Variants in ZNF567 observed in about 807,000 individuals in gnomAD.
The protein encoded by ZNF567 is zinc finger protein 567.
Under a neutral mutation model 53.9 loss-of-function variants are expected in ZNF567, and 36 were observed. The ratio of observed to expected loss-of-function variants is 0.67; its 90% CI spans 0.51 to 0.88. ZNF567 has a LOEUF of 0.88. Among genes scored for constraint, ZNF567 ranks in the 40% least tolerant of loss-of-function variants. The pLI is 0.00. For missense variants in ZNF567, 619 were observed against 764.7 expected (o/e 0.81, Z 2.25); for synonymous variants, 224 against 260.4 (o/e 0.86, Z 1.35).
downstream of ZNF567, among the ~76,000 whole-genome samples, chr19:36,726,661 C>A (rs933998974): frequency 6.6e-6 from 1 of 152,170 alleles, no homozygotes; most frequent in African/African-American, 2.4e-5. Context: ...CCCTGTTAGG[C>A]GGGATAGTAG....
chr19:36,726,953 G>GTTT (rs1487366525), downstream of ZNF567: 1 of 65,930 alleles, frequency 1.5e-5, no homozygotes, highest in East Asian at 8.0e-4. Context: ...GGCATCAGGT[G>GTTT]TTTTGAGTTT....
At position 36,720,932 on chromosome 19, in the gene ZNF567, A is replaced by T. The variant is rs2040281007; in HGVS notation, c.*264A>T. The T allele has an allele frequency of 8.5e-6, 2 of 234,686 alleles. No homozygotes were observed. Among genetic ancestry groups the T allele is most frequent in the East Asian group, 1.6e-4 (2 of 12,236 alleles). 14.5% of individuals were successfully genotyped at this position (234,686 alleles called of 1,614,324 possible). ...AATAGTTTATTTTTTAAAAATACTT[A>T]TATAATACATGCAGAGACAAGATAC... On this transcript the variant is annotated 3_prime_UTR_variant, in exon 6 of 6. Coordinates refer to ENST00000682579, the MANE Select transcript of ZNF567 (RefSeq NM_001322917.1).
At chr19:36,678,621 G>T in the ZNF567 span, among the ~76,000 whole-genome samples, 1 of 151,946 alleles carries the variant, frequency 6.6e-6, no homozygotes, top group African/African-American at 2.4e-5. Flanking sequence ...AAGGTGGGTG[G>T]ATCATGAGGT....
chr19:36,720,751 A>C lies in ZNF567; in HGVS notation c.*83A>C. ...AAGAAAAGCATGCTGAAACATGTTAATGTAATTTTAAATCACAAGTCTAAT... is the reference window on the plus strand; with the variant it reads ...AAGAAAAGCATGCTGAAACATGTTACTGTAATTTTAAATCACAAGTCTAAT... On this transcript the variant is annotated 3_prime_UTR_variant, in exon 6 of 6. Coordinates refer to ENST00000682579, the MANE Select transcript of ZNF567 (RefSeq NM_001322917.1). The C allele has an allele frequency of 8.0e-7, 1 of 1,254,474 alleles. No homozygotes were observed. The highest frequency in any genetic ancestry group is 1.5e-5 in the African/African-American group (1 of 66,646). The allele number at this position is 1,254,474 out of a possible 1,614,324, so 77.7% of individuals were successfully genotyped here.
intron 3 of ZNF567, among the ~76,000 whole-genome samples, chr19:36,703,385 A>C (rs894182631): frequency 2.8e-3 from 418 of 151,990 alleles, no homozygotes; most frequent in African/African-American, 9.7e-3. Flanking sequence ...GGGGTCAGGG[A>C]CCCACTTGAG....
At chr19:36,680,904 C>T in the ZNF567 span, among the ~76,000 whole-genome samples, 1 of 152,094 alleles carries the variant, frequency 6.6e-6, no homozygotes, top group East Asian at 1.9e-4. Flanking sequence ...CCCAACCCAC[C>T]CAGACAATCC....
chr19:36,715,307 C>G (rs1324449159), intron 5 of ZNF567, among the ~76,000 whole-genome samples: 9 of 149,526 alleles, frequency 6.0e-5, no homozygotes, highest in African/African-American at 2.2e-4. Flanking sequence ...ATTACAGGTG[C>G]CCACCACCAT....
chr19:36,722,200 C>A (rs528439678), downstream of ZNF567, among the ~76,000 whole-genome samples: 1 of 152,238 alleles, frequency 6.6e-6, no homozygotes, highest in Non-Finnish European at 1.5e-5. Flanking sequence ...TCAGTGGCAA[C>A]TTGAACAGCA....
intron 3 of ZNF567, among the ~76,000 whole-genome samples, chr19:36,697,732 C>G (rs2038957316): frequency 6.6e-6 from 1 of 151,794 alleles, no homozygotes; most frequent in Non-Finnish European, 1.5e-5. Flanking sequence ...GTGCGTCAGC[C>G]TCCCACGTAG....
chr19:36,712,461 A>ACT lies in ZNF567; in HGVS notation c.88_89dup (p.Met32IlefsTer4). 1 of 1,613,556 alleles carries ACT rather than the reference A, an allele frequency of 6.2e-7. No individual in the cohort carries two copies. The highest frequency in any genetic ancestry group is 8.5e-7 in the Non-Finnish European group (1 of 1,179,812). On this transcript the variant is annotated frameshift_variant, in exon 4 of 6. Transcript: ENST00000682579. LOFTEE classifies it high-confidence loss of function. ...GCAGCACCTGGATCATGCTCAGAAGACTCTATATATGGATGTGATGTTGGA... is the reference window on the plus strand; with the variant it reads ...GCAGCACCTGGATCATGCTCAGAAGACTCTCTATATATGGATGTGATGTTGGA...
At chr19:36,671,297 G>A in the ZNF567 span, among the ~76,000 whole-genome samples, 3 of 152,144 alleles carry the variant, frequency 2.0e-5, no homozygotes, top group South Asian at 2.1e-4. Flanking sequence ...CCCAGAGGTC[G>A]GGTGGTGTGG....
At chr19:36,725,794 A>G (rs2040333355), downstream of ZNF567, among the ~76,000 whole-genome samples, 1 of 152,118 alleles carries the variant, frequency 6.6e-6, no homozygotes, top group African/African-American at 2.4e-5. Flanking sequence ...GACTACAGGA[A>G]TGCACCAAGA....
At chr19:36,677,424 A>C in the ZNF567 span, among the ~76,000 whole-genome samples, 1,016 of 130,112 alleles carry the variant, frequency 7.8e-3, 13 homozygotes, top group African/African-American at 0.027. Context: ...ATGCCACTGC[A>C]TTCCAGCCTG....
chr19:36,694,631 G>A (rs1241277196), intron 2 of ZNF567, among the ~76,000 whole-genome samples, 171 bp from the exon 3 acceptor site: 4 of 152,074 alleles, frequency 2.6e-5, no homozygotes, highest in Non-Finnish European at 5.9e-5. Flanking sequence ...TCTGGCCTTG[G>A]GGATAAAACA....
chr19:36,682,732 C>T (rs763506537), upstream of ZNF567, among the ~76,000 whole-genome samples: 2 of 151,538 alleles, frequency 1.3e-5, no homozygotes, highest in Admixed American at 6.6e-5. Flanking sequence ...CTCAGCCTCC[C>T]GAGTAGCTGG....
At chr19:36,724,025 T>G (rs2040324022), downstream of ZNF567, among the ~76,000 whole-genome samples, 1 of 89,224 alleles carries the variant, frequency 1.1e-5, no homozygotes, top group Non-Finnish European at 2.2e-5. Flanking sequence ...TTTTTTTTTT[T>G]GAGACAGTTT....
At chr19:36,676,368 C>CTT in the ZNF567 span, among the ~76,000 whole-genome samples, 1 of 145,484 alleles carries the variant, frequency 6.9e-6, no homozygotes. Context: ...ACCCAACCAA[C>CTT]TTTTTTTTTT....
chr19:36,703,410 G>T, intron 3 of ZNF567, among the ~76,000 whole-genome samples: 1 of 151,940 alleles, frequency 6.6e-6, no homozygotes, highest in African/African-American at 2.4e-5. Flanking sequence ...CAGTCTGCCC[G>T]TTCTCAGATC....
chr19:36,714,626 A>C, intron 5 of ZNF567: 1 of 382,776 alleles, frequency 2.6e-6, no homozygotes, highest in Non-Finnish European at 4.6e-6. Context: ...TTTAGCTATT[A>C]ATTTTAGAAC....
Sources: gnomAD v4.1 joint callset for allele counts (sites outside exome capture counted in the v4.1 genomes callset) on GRCh38, gnomAD v4.1.1 for gene constraint, MANE v1.5 for transcripts, NCBI Gene and HGNC (gene_info 2026-07-23, HGNC 2026-07-21) for gene names.